The following A2M variants were observed in gnomAD, a reference collection of about 807,000 sequenced individuals.
The protein encoded by A2M is C3 and PZP-like alpha-2-macroglobulin domain-containing protein 5.
A2M carries 128 observed loss-of-function variants against 183.9 expected under a neutral mutation model. The ratio of observed to expected loss-of-function variants is 0.70; its 90% CI spans 0.60 to 0.81. The LOEUF (loss-of-function observed/expected upper bound fraction) is 0.81, where lower values mean the gene tolerates loss of function less well. Among genes scored for constraint, A2M ranks in the 30% least tolerant of loss-of-function variants. The probability of loss-of-function intolerance (pLI) is 0.00; values close to 1 mark genes in which losing one functional copy is unlikely to be tolerated. For synonymous variants in A2M, 592 were observed against 670.8 expected (o/e 0.88, Z 1.81); for missense variants, 1,495 against 1,787.6 (o/e 0.84, Z 2.95).
At chr12:9,095,118 T>C (rs1195317166) in intron 16 of A2M, 34 bp from the exon 17 acceptor site, 6 of 1,126,794 alleles carry the variant, frequency 5.3e-6, no homozygotes, top group Non-Finnish European at 6.3e-6. Flanking sequence ...TCAGTAAATA[T>C]ATATTATAAA....
At chr12:9,099,285 C>A (rs1244891283) in intron 14 of A2M, 96 bp downstream of exon 14, 3 of 1,189,274 alleles carry the variant, frequency 2.5e-6, no homozygotes, top group East Asian at 2.6e-5. Context: ...ATTTGTTTAA[C>A]CCTTTTGGCC....
chr12:9,097,728 G>A lies in A2M; in HGVS notation c.1851+879C>T, dbSNP rs754298785. On this transcript the variant is annotated intron_variant, in intron 15 of 35. Coordinates refer to ENST00000318602, the MANE Select transcript of A2M (RefSeq NM_000014.6). ...GGCTCACTCAACCTCTGCCTCCTGG[G>A]TTCAAGTGATTCTCCTGCCTCAGCC... is the stretch of plus-strand genomic sequence containing the variant. Among the ~76,000 whole-genome samples, 5 of 150,626 alleles carry A rather than the reference G, an allele frequency of 3.3e-5. No individual in the cohort carries two copies. In the South Asian group the frequency reaches 6.3e-4, roughly 19 times the overall value.
chr12:9,094,152 C>T (rs949244143), intron 17 of A2M, among the ~76,000 whole-genome samples: 25 of 152,134 alleles, frequency 1.6e-4, no homozygotes, highest in African/African-American at 6.0e-4. Flanking sequence ...CAAGGAAAAA[C>T]TGACACACAT....
At position 9,080,117 on chromosome 12, in the gene A2M, G is replaced by A. The variant is rs1948866629; in HGVS notation, c.2831C>T (p.Ala944Val). The part of the protein sequence containing the change: ...KLPPNVVEES[A>V]RASVSVLGDI... ...ACCCAAAACTGAGACAGAAGCTCGG[G>A]CAGATTCTTCTACCACATTTGGTGG... Residue 944 changes from alanine (A) to valine (V), a missense_variant, in exon 23 of 36, where the codon GCC becomes GTC. Coordinates refer to ENST00000318602, the MANE Select transcript of A2M (RefSeq NM_000014.6). The A allele has an allele frequency of 6.3e-7, 1 of 1,589,530 alleles. No individual in the cohort carries two copies. Among genetic ancestry groups the A allele is most frequent in the East Asian group, 2.3e-5 (1 of 43,950 alleles).
chr12:9,082,003 T>C (rs1447332085), intron 22 of A2M, among the ~76,000 whole-genome samples: 2 of 152,220 alleles, frequency 1.3e-5, no homozygotes, highest in African/African-American at 4.8e-5. Context: ...AGTTTCCAGA[T>C]GGCCAGTCTG....
intron 17 of A2M, 62 bp downstream of exon 17, chr12:9,094,911 T>C (rs1355293964): frequency 2.2e-6 from 2 of 910,128 alleles, no homozygotes; most frequent in Middle Eastern, 3.2e-4. Flanking sequence ...ATTGTATCTT[T>C]TAAAAAATTT....
intron 11 of A2M, 112 bp downstream of exon 11, chr12:9,104,127 A>G: frequency 9.4e-7 from 1 of 1,062,128 alleles, no homozygotes; most frequent in Non-Finnish European, 1.3e-6. Context: ...TCTAATTGCT[A>G]GTTTTTTTCT....
At chr12:9,114,022 C>T (rs1358313345) in intron 1 of A2M, among the ~76,000 whole-genome samples, 1 of 152,154 alleles carries the variant, frequency 6.6e-6, no homozygotes, top group Non-Finnish European at 1.5e-5. Flanking sequence ...GGTAAGCACT[C>T]GCTTCCACTC....
At chr12:9,080,872 T>TA (rs897131668) in intron 22 of A2M, among the ~76,000 whole-genome samples, 4 of 151,668 alleles carry the variant, frequency 2.6e-5, no homozygotes, top group Non-Finnish European at 5.9e-5. Flanking sequence ...AAATGTTTCT[T>TA]AAAAAAAAGC....
intron 22 of A2M, among the ~76,000 whole-genome samples, chr12:9,082,972 T>C (rs1286357751): frequency 6.6e-6 from 1 of 152,226 alleles, no homozygotes; most frequent in African/African-American, 2.4e-5. Context: ...TTTCTAGTTC[T>C]AGATCCCTGA....
intron 35 of A2M, 57 bp downstream of exon 35, chr12:9,068,126 T>A: frequency 1.3e-6 from 2 of 1,572,034 alleles, no homozygotes; most frequent in South Asian, 1.2e-5. Flanking sequence ...AGGAGAAGGT[T>A]TGGGGGGCAA....
chr12:9,095,186 A>G (rs2137824094), intron 16 of A2M, 102 bp from the exon 17 acceptor site: 1 of 607,288 alleles, frequency 1.6e-6, no homozygotes, highest in East Asian at 3.1e-5. Flanking sequence ...AGTTAACTTA[A>G]ATTAAACTTT....
In A2M at chr12:9,109,894, C is replaced by G. The variant is rs776320155; in HGVS notation, c.646G>C (p.Glu216Gln). 2 of 1,611,042 alleles carry G rather than the reference C, an allele frequency of 1.2e-6. No individual in the cohort carries two copies. The highest frequency in any genetic ancestry group is 1.1e-5 in the South Asian group (1 of 90,212). The change falls in exon 6 of 36, where the codon GAG becomes CAG. Residue 216 changes from glutamate to glutamine, a missense_variant. By Grantham distance (29) the Glu-to-Gln change is conservative (BLOSUM62 2). Coordinates refer to ENST00000318602, the MANE Select transcript of A2M (RefSeq NM_000014.6). ...VVQKKSGGRT[E>Q]HPFTVEEFVL... Reference sequence around the variant, plus strand: ...AATTCCTCCACGGTGAAAGGGTGCTCTGTCCTTCCACCTGATTTCTTCTGT... The same window carrying G: ...AATTCCTCCACGGTGAAAGGGTGCTGTGTCCTTCCACCTGATTTCTTCTGT...
In A2M at chr12:9,099,445, A is replaced by G. The variant is rs755360887; in HGVS notation, c.1637T>C (p.Leu546Ser). ...PVARLLIYAV[L>S]PTGDVIGDSA... ...ATCCCCAATCACGTCCCCGGTAGGTAAAACAGCATAGATGAGCAACCGAGC... is the reference window on the plus strand; with the variant it reads ...ATCCCCAATCACGTCCCCGGTAGGTGAAACAGCATAGATGAGCAACCGAGC... Residue 546 changes from leucine (L) to serine (S), a missense_variant, in exon 14 of 36, where the codon TTA becomes TCA. Coordinates refer to ENST00000318602, the MANE Select transcript of A2M (RefSeq NM_000014.6). 2.5e-6 allele frequency: 4 copies of G among 1,603,260 alleles called. No homozygotes were observed. In the African/African-American group the frequency reaches 5.3e-5, roughly 21 times the overall value.
intron 28 of A2M, among the ~76,000 whole-genome samples, chr12:9,076,239 A>C (rs1208959539): frequency 6.6e-6 from 1 of 152,224 alleles, no homozygotes; most frequent in African/African-American, 2.4e-5. Context: ...TGTAATAACT[A>C]GTACTTTTAT....
Position 9,069,809 on chromosome 12 carries a change from T to C in A2M, c.4199A>G (p.Glu1400Gly). Residue 1400 changes from glutamate (E) to glycine (G), a missense_variant, in exon 33 of 36, where the codon GAA becomes GGA. Coordinates refer to ENST00000318602, the MANE Select transcript of A2M (RefSeq NM_000014.6). ...TGTCCGGCTCACATGGTTAGATCTTTCAAGCTGAAGAAAATTGAAATACCA... is the reference window on the plus strand; with the variant it reads ...TGTCCGGCTCACATGGTTAGATCTTCCAAGCTGAAGAAAATTGAAATACCA... Reference protein sequence around the residue: ...IPLKPTVKMLERSNHVSRTEV... With the variant: ...IPLKPTVKMLGRSNHVSRTEV... The C allele has an allele frequency of 6.2e-7, 1 of 1,613,536 alleles. No individual in the cohort carries two copies.
Position 9,089,171 on chromosome 12 carries a change from T to G in A2M, c.2770+29A>C, listed in dbSNP as rs755602120. 9.3e-5 allele frequency: 142 copies of G among 1,519,164 alleles called. No individual in the cohort carries two copies. The African/African-American group carries it at 1.6e-3, about 18-fold the overall frequency. 94.1% of individuals were successfully genotyped at this position (1,519,164 alleles called of 1,614,324 possible). A position where few individuals can be genotyped will look rare whatever the true frequency, so the allele number is the denominator to read the frequency against. ...GAACTTTAAATGTTAGACTTTAATG[T>G]TTTTTAAATTATGATGGTTGACTCT... On this transcript the variant is annotated intron_variant, in intron 22 of 35. Coordinates refer to ENST00000318602, the MANE Select transcript of A2M (RefSeq NM_000014.6).
At chr12:9,099,706 T>G (rs1291296658) in intron 13 of A2M, among the ~76,000 whole-genome samples, 183 bp from the exon 14 acceptor site, 1 of 152,214 alleles carries the variant, frequency 6.6e-6, no homozygotes, top group African/African-American at 2.4e-5. Context: ...TCTGTTGATT[T>G]TTCACCAGCT....
chr12:9,098,496 T>C (rs562918250), intron 15 of A2M, 111 bp downstream of exon 15: 15 of 1,226,738 alleles, frequency 1.2e-5, no homozygotes, highest in Non-Finnish European at 1.4e-5. Context: ...AGCAATTAAT[T>C]CCTAGATAAA....
Sources: allele counts gnomAD v4.1 joint callset (sites outside exome capture counted in the v4.1 genomes callset), GRCh38; gene constraint gnomAD v4.1.1; transcripts MANE v1.5; gene names NCBI Gene and HGNC (gene_info 2026-07-23, HGNC 2026-07-21).